Variants in DEF8 observed in about 807,000 individuals in gnomAD.
The protein encoded by DEF8 is DEF-8.
A neutral mutation model predicts 59.1 loss-of-function variants in DEF8; 38 were observed. The ratio of observed to expected loss-of-function variants is 0.64; its 90% CI spans 0.50 to 0.84. The LOEUF is 0.84. Among genes scored for constraint, DEF8 ranks in the 40% least tolerant of loss-of-function variants. The pLI is 0.00. For synonymous variants in DEF8, 265 were observed against 250.1 expected (o/e 1.06, Z -0.56); for missense variants, 557 against 615.2 (o/e 0.91, Z 1.00).
rs766247701 is a variant in DEF8 at position 89,963,426 on chromosome 16, G to A, written c.985G>A (p.Ala329Thr). 6.2e-7 allele frequency: 1 copy of A among 1,613,648 alleles called. No homozygotes were observed. The highest frequency in any genetic ancestry group is 2.2e-5 in the East Asian group (1 of 44,852). ...YFITCREAME[A>T]RLLLQLQDRQ... ...CATCACCTGCAGGGAGGCCATGGAGGCTCGTCTGCTGCTGCAGGTCAGACT... is the reference window on the plus strand; with the variant it reads ...CATCACCTGCAGGGAGGCCATGGAGACTCGTCTGCTGCTGCAGGTCAGACT... The change falls in exon 10 of 13, where the codon GCT becomes ACT. Residue 329 changes from alanine to threonine, a missense_variant. Physicochemically the swap from Ala to Thr is moderately conservative, Grantham distance 58. Coordinates refer to ENST00000563594, the MANE Select transcript of DEF8 (RefSeq NM_001242818.2).
rs765876348 is a variant in DEF8, at chr16:89,957,525, C to T, written c.237C>T (p.Ala79=). 9 of 1,589,346 alleles carry T rather than the reference C, an allele frequency of 5.7e-6. No individual in the cohort carries two copies. The highest frequency in any genetic ancestry group is 7.7e-6 in the Non-Finnish European group (9 of 1,168,300). ...HFSRPVGLFL[A]SDVQQLRQAI... is the part of the protein sequence containing the mutation. ...AACCTGGGCAGGGTCTGTTCCTGGCCTCTGACGTCCAGCAGCTGCGGCAGG... is the reference window on the plus strand; with the variant it reads ...AACCTGGGCAGGGTCTGTTCCTGGCTTCTGACGTCCAGCAGCTGCGGCAGG... The change falls in exon 5 of 13, where the codon GCC becomes GCT. Residue 79 remains alanine (A), a synonymous_variant. Transcript: ENST00000563594.
chr16:89,950,003 G>A (rs1040431323), intron 2 of DEF8: 88 of 1,045,094 alleles, frequency 8.4e-5, no homozygotes, highest in Non-Finnish European at 9.8e-5. Context: ...CTGCCCGTGC[G>A]CCAGGCCTGG....
intron 6 of DEF8, 147 bp from the exon 7 acceptor site, chr16:89,960,784 T>A (rs1047127525): frequency 1.2e-6 from 1 of 829,616 alleles, no homozygotes; most frequent in African/African-American, 1.7e-5. Flanking sequence ...TCTTTGAGGT[T>A]CTAAGGCCTC....
chr16:89,959,413 A>G (rs2033720921), intron 6 of DEF8: 1 of 1,282,516 alleles, frequency 7.8e-7, no homozygotes, highest in Non-Finnish European at 1.0e-6. Context: ...AGGACCTAGC[A>G]CGTGTTAGGG....
At position 89,966,253 on chromosome 16, in the gene DEF8, C is replaced by T. The variant is rs1334718840; in HGVS notation, c.*290C>T. 3.1e-6 allele frequency: 1 copy of T among 317,664 alleles called. No individual in the cohort carries two copies. Among genetic ancestry groups the T allele is most frequent in the African/African-American group, 2.2e-5 (1 of 46,254 alleles). 19.7% of individuals were successfully genotyped at this position (317,664 alleles called of 1,614,324 possible). On this transcript the variant is annotated 3_prime_UTR_variant, in exon 13 of 13. Transcript: ENST00000563594. ...CATGGGCAGGGAGCTGGGGGGACAT[C>T]TCACCTCCCCCATGGCACAGAGCCC... is the stretch of plus-strand genomic sequence containing the variant.
chr16:89,959,522 TCTCA>T lies in DEF8; in HGVS notation c.514+372_514+375del, dbSNP rs1462175050. 2.0e-5 allele frequency among the ~76,000 whole-genome samples: 3 copies of T among 152,326 alleles called. No homozygotes were observed. The South Asian group carries it at 6.2e-4, about 32-fold the overall frequency. On this transcript the variant is annotated intron_variant, in intron 6 of 12. Coordinates refer to ENST00000563594, the MANE Select transcript of DEF8 (RefSeq NM_001242818.2). ...GTTTGGTTTTGTTTTTGAGACGGAG[TCTCA>T]CTCAATCGCCCAGGCTGGAGTGCAG...
chr16:89,952,143 C>T (rs866287128), intron 2 of DEF8, among the ~76,000 whole-genome samples: 1 of 152,242 alleles, frequency 6.6e-6, no homozygotes, highest in Non-Finnish European at 1.5e-5. Flanking sequence ...TCCCAATGTG[C>T]TGGGATTACA....
intron 1 of DEF8, 93 bp from the exon 2 acceptor site, chr16:89,949,324 G>C: frequency 9.6e-7 from 1 of 1,039,438 alleles, no homozygotes; most frequent in Non-Finnish European, 1.4e-6. Context: ...GTGGGTGGGA[G>C]AGACCTGCCC....
At position 89,950,217 on chromosome 16, in the gene DEF8, C is replaced by G. The variant is rs73277917; in HGVS notation, c.-11+704C>G. The G allele has an allele frequency of 7.8e-3, 7,734 of 986,068 alleles. 475 individuals are homozygous for G. The African/African-American group carries it at 0.13, about 16-fold the overall frequency. 61.1% of individuals were successfully genotyped at this position (986,068 alleles called of 1,614,324 possible). Reference sequence around the variant, plus strand: ...CAGGCGTAGCTCCTGCACCTTTTTCCTGGGCTGGTCACCATATGTGATGAC... The same window carrying G: ...CAGGCGTAGCTCCTGCACCTTTTTCGTGGGCTGGTCACCATATGTGATGAC... On this transcript the variant is annotated intron_variant, in intron 2 of 12. Coordinates refer to ENST00000563594, the MANE Select transcript of DEF8 (RefSeq NM_001242818.2).
At chr16:89,948,839 TCGGGGCCGG>T (rs2031173755) in intron 1 of DEF8, 25 bp downstream of exon 1, 4 of 850,360 alleles carry the variant, frequency 4.7e-6, no homozygotes, top group African/African-American at 6.1e-5. Context: ...GCCGGCGGGG[TCGGGGCCGG>T]CGGGGACGGG....
At chr16:89,963,074 C>T (rs2034240898) in intron 9 of DEF8, among the ~76,000 whole-genome samples, 1 of 152,244 alleles carries the variant, frequency 6.6e-6, no homozygotes, top group Non-Finnish European at 1.5e-5. Context: ...TGGGATTTCT[C>T]CGGAAGTTTG....
chr16:89,960,943 G>A lies in DEF8; in HGVS notation c.527G>A (p.Arg176His), dbSNP rs753840788. The A allele has an allele frequency of 2.8e-5, 45 of 1,613,594 alleles. No homozygotes were observed. Among genetic ancestry groups the A allele is most frequent in the Non-Finnish European group, 3.4e-5 (40 of 1,179,922 alleles). The part of the protein sequence containing the change: ...TWYTCTGCYY[R>H]CHSKCLNLIS... ...CCCTCCACCCTAGGGTGTTATTACC[G>A]CTGTCACAGTAAGTGCTTGAACCTC... is the stretch of plus-strand genomic sequence containing the variant. The change falls in exon 7 of 13, where the codon CGC becomes CAC. Residue 176 changes from arginine to histidine, a missense_variant. Coordinates refer to ENST00000563594, the MANE Select transcript of DEF8 (RefSeq NM_001242818.2).
chr16:89,949,131 T>A (rs1467363237), intron 1 of DEF8, among the ~76,000 whole-genome samples: 1 of 95,826 alleles, frequency 1.0e-5, no homozygotes, highest in Non-Finnish European at 2.2e-5. Context: ...GGGACGGGGC[T>A]GGGAGGGCGG....
In DEF8 at chr16:89,964,717, G is replaced by A. The variant is rs2034458501; in HGVS notation, c.1253+142G>A. The A allele has an allele frequency of 2.8e-5, 18 of 637,196 alleles. No homozygotes were observed. The South Asian group carries it at 3.2e-4, about 11-fold the overall frequency. 39.5% of individuals were successfully genotyped at this position (637,196 alleles called of 1,614,324 possible). On this transcript the variant is annotated intron_variant, in intron 12 of 12. Transcript: ENST00000563594. ...AAGGGGAGACATAAAGACTCTTTGG[G>A]TCTTTGCTGACCCTGAGATATGAAG...
At chr16:89,964,442 C>G in intron 11 of DEF8, 24 bp from the exon 12 acceptor site, 1 of 1,569,894 alleles carries the variant, frequency 6.4e-7, no homozygotes, top group Non-Finnish European at 8.6e-7. Context: ...TGCCCGTGCC[C>G]CAACCCCACA....
intron 12 of DEF8, 89 bp downstream of exon 12, chr16:89,964,664 C>T (rs530198638): frequency 3.5e-5 from 34 of 976,840 alleles, no homozygotes; most frequent in East Asian, 2.1e-4. Context: ...AGGATGATGC[C>T]GTGGGAGCTG....
At chr16:89,951,331 ACCT>A (rs1264469832) in intron 2 of DEF8, among the ~76,000 whole-genome samples, 3 of 150,448 alleles carry the variant, frequency 2.0e-5, no homozygotes, top group African/African-American at 4.9e-5. Flanking sequence ...ATCTCGGCTC[ACCT>A]CCTGGGTTCA....
Position 89,965,926 on chromosome 16 carries a change from C to T in DEF8, c.1319C>T (p.Ser440Leu), listed in dbSNP as rs372503809. The change falls in exon 13 of 13, where the codon TCG (serine) becomes TTG (leucine). Residue 440 changes from serine to leucine, a missense_variant. Ser to Leu is a moderately radical substitution (Grantham distance 145). Transcript: ENST00000563594. ...KCARLSLRKQ[S>L]LFQEPGPDVE... ...GCCCGGCTCAGCCTGAGGAAGCAGT[C>T]GCTCTTCCAGGAGCCAGGTCCCGAT... The T allele has an allele frequency of 2.7e-5, 44 of 1,613,490 alleles. No individual in the cohort carries two copies. In the East Asian group the frequency reaches 5.3e-4, roughly 20 times the overall value.
At chr16:89,949,741 C>A (rs1467473024) in intron 2 of DEF8, 1 of 1,160,282 alleles carries the variant, frequency 8.6e-7, no homozygotes, top group African/African-American at 1.5e-5. Flanking sequence ...GTTGTGGGGT[C>A]CTCCCCGATG....
Sources: allele counts gnomAD v4.1 joint callset (sites outside exome capture counted in the v4.1 genomes callset), GRCh38; gene constraint gnomAD v4.1.1; transcripts MANE v1.5; gene names NCBI Gene and HGNC (gene_info 2026-07-23, HGNC 2026-07-21).